The following FAM227B variants were observed in gnomAD, a reference collection of about 807,000 sequenced individuals.
The protein encoded by FAM227B is protein FAM227B.
In FAM227B, 88 loss-of-function variants were observed where a neutral mutation model predicts 73.8. The ratio of observed to expected loss-of-function variants is 1.19; its 90% CI spans 1.00 to 1.42. The LOEUF (loss-of-function observed/expected upper bound fraction) is 1.42, where lower values mean the gene tolerates loss of function less well. Among genes scored for constraint, FAM227B ranks in the 40% most tolerant of loss-of-function variants. The probability of loss-of-function intolerance (pLI) is 0.00; values close to 1 mark genes in which losing one functional copy is unlikely to be tolerated. For synonymous variants in FAM227B, 210 were observed against 190.5 expected (o/e 1.10, Z -0.84); for missense variants, 632 against 590.9 (o/e 1.07, Z -0.72).
At chr15:49,595,619 T>C (rs960854787) in intron 3 of FAM227B, among the ~76,000 whole-genome samples, 1 of 151,848 alleles carries the variant, frequency 6.6e-6, no homozygotes, top group Non-Finnish European at 1.5e-5. Flanking sequence ...GTCCCTTCTA[T>C]GTTGATTTTG....
chr15:49,354,452 G>C (rs988956150), intron 13 of FAM227B, among the ~76,000 whole-genome samples: 2 of 152,232 alleles, frequency 1.3e-5, no homozygotes, highest in African/African-American at 4.8e-5. Context: ...AGGGGTCAGG[G>C]AGTTCCCTTT....
chr15:49,341,940 T>C (rs1037055013), intron 13 of FAM227B, among the ~76,000 whole-genome samples: 1 of 152,190 alleles, frequency 6.6e-6, no homozygotes, highest in African/African-American at 2.4e-5. Context: ...CAAAACTGCT[T>C]TATGGCCGAG....
chr15:49,342,415 G>A lies in FAM227B; in HGVS notation c.1272-6919C>T, dbSNP rs150903832. On this transcript the variant is annotated intron_variant, in intron 13 of 15. Coordinates refer to ENST00000299338, the MANE Select transcript of FAM227B (RefSeq NM_152647.3). The stretch of plus-strand genomic sequence containing the variant: ...CCAGTCCTTTAATTTGAGCCTAGGG[G>A]TGGGTGTTGTTACTTGTAAAAAGGG... 1.9e-3 allele frequency among the ~76,000 whole-genome samples: 289 copies of A among 152,242 alleles called. 2 individuals carry two copies. Among genetic ancestry groups the A allele is most frequent in the African/African-American group, 6.4e-3 (268 of 41,552 alleles).
At chr15:49,610,601 T>C (rs1230631930) in intron 3 of FAM227B, among the ~76,000 whole-genome samples, 1 of 152,092 alleles carries the variant, frequency 6.6e-6, no homozygotes, top group African/African-American at 2.4e-5. Context: ...CAAACATATC[T>C]AATTAAAAAG....
At chr15:49,447,509 A>C (rs2052334890) in intron 11 of FAM227B, among the ~76,000 whole-genome samples, 1 of 151,668 alleles carries the variant, frequency 6.6e-6, no homozygotes, top group Non-Finnish European at 1.5e-5. Flanking sequence ...TCTCAATCTT[A>C]ATGTGATTTA....
At chr15:49,501,248 G>A (rs1467424854) in intron 11 of FAM227B, among the ~76,000 whole-genome samples, 1 of 152,184 alleles carries the variant, frequency 6.6e-6, no homozygotes, top group Non-Finnish European at 1.5e-5. Context: ...AGGAAGATGA[G>A]GGAAAGTTCA....
At chr15:49,511,615 G>A (rs558462516) in intron 10 of FAM227B, among the ~76,000 whole-genome samples, 1 of 152,098 alleles carries the variant, frequency 6.6e-6, no homozygotes, top group East Asian at 1.9e-4. Context: ...CCCTCCCTCT[G>A]CATCCCCAAT....
At chr15:49,413,615 A>G (rs965060041) in intron 11 of FAM227B, among the ~76,000 whole-genome samples, 1 of 151,964 alleles carries the variant, frequency 6.6e-6, no homozygotes, top group East Asian at 1.9e-4. Flanking sequence ...AACTTTTGCC[A>G]TCTCCCAAAC....
intron 3 of FAM227B, among the ~76,000 whole-genome samples, chr15:49,599,617 G>A (rs1418818466): frequency 6.6e-6 from 1 of 151,858 alleles, no homozygotes; most frequent in Non-Finnish European, 1.5e-5. Flanking sequence ...CATAAGTTTT[G>A]GTACATTATT....
At chr15:49,511,343 G>A (rs2058984393) in intron 10 of FAM227B, among the ~76,000 whole-genome samples, 1 of 151,468 alleles carries the variant, frequency 6.6e-6, no homozygotes, top group African/African-American at 2.4e-5. Context: ...TATATATTTT[G>A]AGACATAGTA....
At chr15:49,522,411 A>G (rs909714576) in intron 10 of FAM227B, among the ~76,000 whole-genome samples, 2 of 152,212 alleles carry the variant, frequency 1.3e-5, no homozygotes, top group African/African-American at 4.8e-5. Context: ...GACATCCCCA[A>G]AGGAATCACA....
intron 11 of FAM227B, among the ~76,000 whole-genome samples, chr15:49,507,493 C>A (rs947515377): frequency 1.3e-5 from 2 of 152,028 alleles, no homozygotes; most frequent in African/African-American, 4.8e-5. Flanking sequence ...TCTGATTTAA[C>A]CAGTCAGACA....
intron 9 of FAM227B, among the ~76,000 whole-genome samples, chr15:49,562,838 G>C (rs2074364562): frequency 6.6e-6 from 1 of 151,946 alleles, no homozygotes; most frequent in South Asian, 2.1e-4. Context: ...AGGCACTGAA[G>C]GAACATACCT....
chr15:49,491,975 T>C (rs975503170), intron 11 of FAM227B, among the ~76,000 whole-genome samples: 5 of 151,920 alleles, frequency 3.3e-5, no homozygotes, highest in African/African-American at 1.2e-4. Flanking sequence ...ATTAATAATC[T>C]ATTGATAAAA....
At chr15:49,330,217 G>A (rs966068576) in intron 15 of FAM227B, 16 of 152,258 alleles carry the variant, frequency 1.1e-4, no homozygotes, top group African/African-American at 3.9e-4. Flanking sequence ...AGGAGGCTCA[G>A]TGAGAGTGAA....
intron 10 of FAM227B, among the ~76,000 whole-genome samples, chr15:49,539,343 GC>G (rs2070729712): frequency 2.0e-5 from 3 of 152,148 alleles, no homozygotes; most frequent in South Asian, 4.1e-4. Flanking sequence ...TGGAATTCAT[GC>G]CCACAGATAT....
intron 11 of FAM227B, among the ~76,000 whole-genome samples, chr15:49,438,015 G>T (rs2051271556): frequency 6.6e-6 from 1 of 151,624 alleles, no homozygotes; most frequent in African/African-American, 2.4e-5. Context: ...GGAGTCAGAA[G>T]AAAGGGTATC....
intron 11 of FAM227B, among the ~76,000 whole-genome samples, chr15:49,402,139 T>C (rs1596932651): frequency 6.6e-6 from 1 of 152,274 alleles, no homozygotes; most frequent in East Asian, 1.9e-4. Flanking sequence ...TAACATCATC[T>C]TCAGACTCTA....
intron 13 of FAM227B, among the ~76,000 whole-genome samples, chr15:49,357,318 C>G (rs1377881799): frequency 2.7e-5 from 4 of 149,866 alleles, no homozygotes; most frequent in Non-Finnish European, 5.9e-5. Context: ...AAAGGATCAA[C>G]AAAATTGATA....
Sources: gnomAD v4.1 joint callset for allele counts (sites outside exome capture counted in the v4.1 genomes callset) on GRCh38, gnomAD v4.1.1 for gene constraint, MANE v1.5 for transcripts, NCBI Gene and HGNC (gene_info 2026-07-23, HGNC 2026-07-21) for gene names.